ADH1A: variants seen among roughly 807,000 people sequenced by gnomAD.
ADH1A encodes alcohol dehydrogenase 1A (class I), alpha polypeptide, also known as alcohol dehydrogenase 1A.
ADH1A carries 29 observed loss-of-function variants against 35.2 expected under a neutral mutation model. The observed-to-expected ratio is 0.82, with a 90% CI of 0.61 to 1.12. ADH1A has a LOEUF of 1.12. Among genes scored for constraint, ADH1A ranks in the 50% most tolerant of loss-of-function variants. ADH1A has a pLI of 0.00. For synonymous variants in ADH1A, 147 were observed against 164.8 expected (o/e 0.89, Z 0.83); for missense variants, 469 against 464.7 (o/e 1.01, Z -0.09).
intron 7 of ADH1A, 62 bp downstream of exon 7, chr4:99,280,082 C>G: frequency 6.2e-7 from 1 of 1,604,668 alleles, no homozygotes; most frequent in Non-Finnish European, 8.5e-7. Context: ...TGCCTTGTCA[C>G]TTGTAAAAGG....
chr4:99,283,392 C>T (rs936805694), intron 5 of ADH1A, among the ~76,000 whole-genome samples: 1 of 152,142 alleles, frequency 6.6e-6, no homozygotes, highest in Admixed American at 6.6e-5. Flanking sequence ...TAAACCTAGT[C>T]TCCCATAGTC....
chr4:99,280,301 G>A (rs375546922), intron 6 of ADH1A, 22 bp from the exon 7 acceptor site: 26 of 1,612,254 alleles, frequency 1.6e-5, no homozygotes, highest in Non-Finnish European at 5.1e-6. Context: ...TGAACACTTA[G>A]CATTCTTAAC....
At chr4:99,276,730 A>G in intron 8 of ADH1A, 82 bp from the exon 9 acceptor site, 1 of 1,347,530 alleles carries the variant, frequency 7.4e-7, no homozygotes, top group Non-Finnish European at 1.1e-6. Flanking sequence ...GAAATGACTT[A>G]GTGAAAATCT....
chr4:99,289,279 A>G (rs1282248689), intron 1 of ADH1A, among the ~76,000 whole-genome samples: 1 of 152,180 alleles, frequency 6.6e-6, no homozygotes, highest in South Asian at 2.1e-4. Flanking sequence ...TATAAACAAC[A>G]TGCATTATTT....
At chr4:99,278,203 T>C (rs148463217) in intron 8 of ADH1A, among the ~76,000 whole-genome samples, 5 of 152,284 alleles carry the variant, frequency 3.3e-5, no homozygotes, top group African/African-American at 1.2e-4. Flanking sequence ...TTTGCCATCA[T>C]CTTTTCAATC....
At position 99,282,578 on chromosome 4, in the gene ADH1A, A is replaced by G. The variant is rs137874792; in HGVS notation, c.596T>C (p.Phe199Ser). 63 of 1,614,112 alleles carry G rather than the reference A, an allele frequency of 3.9e-5. No homozygotes were observed. The African/African-American group carries it at 8.0e-4, about 21-fold the overall frequency. Residue 199 changes from phenylalanine (F) to serine (S), a missense_variant, in exon 6 of 9, where the codon TTT (phenylalanine) becomes TCT (serine). Transcript: ENST00000209668. ...KVTPGSTCAV[F>S]GLGGVGLSAI... ...AGATAGGCCGACCCCTCCCAGGCCA[A>G]ACACAGCACAGGTAGAGCCTGGGGT...
At chr4:99,284,304 A>G in intron 5 of ADH1A, 95 bp downstream of exon 5, 1 of 1,339,068 alleles carries the variant, frequency 7.5e-7, no homozygotes. Context: ...TTCAAAATCT[A>G]CAAAAATAAT....
chr4:99,281,511 TAGG>T (rs1282515801), intron 6 of ADH1A, among the ~76,000 whole-genome samples: 9 of 151,890 alleles, frequency 5.9e-5, no homozygotes, highest in Non-Finnish European at 1.3e-4. Flanking sequence ...GAGGGTGAGG[TAGG>T]AGATTTGCTT....
intron 6 of ADH1A, among the ~76,000 whole-genome samples, chr4:99,280,993 G>T (rs572196478): frequency 5.9e-5 from 9 of 152,144 alleles, no homozygotes; most frequent in Non-Finnish European, 1.3e-4. Flanking sequence ...TTTGGATTCT[G>T]ACCTTTGGGA....
intron 1 of ADH1A, among the ~76,000 whole-genome samples, chr4:99,288,102 G>A: frequency 6.6e-6 from 1 of 152,140 alleles, no homozygotes; most frequent in East Asian, 1.9e-4. Context: ...TTCTGCTTAG[G>A]CCAAAAGGAT....
At chr4:99,281,805 T>C (rs1317487399) in intron 6 of ADH1A, 2 of 178,720 alleles carry the variant, frequency 1.1e-5, no homozygotes, top group African/African-American at 4.8e-5. Context: ...TGCCAGGTAC[T>C]GTCCAGTTTC....
At chr4:99,277,720 C>T (rs1186290594) in intron 8 of ADH1A, among the ~76,000 whole-genome samples, 3 of 151,882 alleles carry the variant, frequency 2.0e-5, no homozygotes, top group Non-Finnish European at 4.4e-5. Context: ...TGAGAATTTC[C>T]CAATAATGTC....
At chr4:99,287,920 T>C (rs1162297753) in intron 1 of ADH1A, among the ~76,000 whole-genome samples, 1 of 152,224 alleles carries the variant, frequency 6.6e-6, no homozygotes, top group African/African-American at 2.4e-5. Context: ...GCCATCCTTA[T>C]GTTGTTGTTG....
rs1560518961 is a variant in ADH1A, at chr4:99,286,668, G to T, written c.259+182C>A. ...AATTGTTGAAGGGTAGAATACATGCGTGCCTAAAGACATACATGCTTGAGT... is the reference window on the plus strand; with the variant it reads ...AATTGTTGAAGGGTAGAATACATGCTTGCCTAAAGACATACATGCTTGAGT... On this transcript the variant is annotated intron_variant, in intron 3 of 8. Coordinates refer to ENST00000209668, the MANE Select transcript of ADH1A (RefSeq NM_000667.4). 3.1e-6 allele frequency: 3 copies of T among 971,430 alleles called. No individual in the cohort carries two copies. In the South Asian group the frequency reaches 5.0e-5, roughly 16 times the overall value. The allele number at this position is 971,430 out of a possible 1,614,324, so 60.2% of individuals were successfully genotyped here.
intron 8 of ADH1A, 31 bp from the exon 9 acceptor site, chr4:99,276,679 G>A (rs750676448): frequency 2.4e-5 from 38 of 1,598,986 alleles, no homozygotes; most frequent in Non-Finnish European, 3.2e-5. Context: ...CATTGTATTA[G>A]CATTTAGACA....
intron 2 of ADH1A, among the ~76,000 whole-genome samples, chr4:99,287,235 C>G (rs1420445860): frequency 6.6e-6 from 1 of 152,062 alleles, no homozygotes; most frequent in African/African-American, 2.4e-5. Context: ...ATAGTTAAGT[C>G]TTAAATAATA....
At chr4:99,277,872 A>G (rs1158375002) in intron 8 of ADH1A, among the ~76,000 whole-genome samples, 4 of 152,076 alleles carry the variant, frequency 2.6e-5, no homozygotes, top group African/African-American at 9.7e-5. Flanking sequence ...TGTGTGTTTG[A>G]ATAGTTGATT....
chr4:99,288,988 G>C (rs1274188895), intron 1 of ADH1A, among the ~76,000 whole-genome samples: 2 of 151,892 alleles, frequency 1.3e-5, no homozygotes, highest in African/African-American at 4.8e-5. Flanking sequence ...TCCCCCTCGA[G>C]TTCCCAAAGT....
chr4:99,285,388 T>G (rs1186067111), intron 3 of ADH1A, among the ~76,000 whole-genome samples: 2 of 152,198 alleles, frequency 1.3e-5, no homozygotes, highest in Non-Finnish European at 2.9e-5. Flanking sequence ...GAAATTCCTC[T>G]GGAAATTTCA....
Sources: gnomAD v4.1 joint callset for allele counts (sites outside exome capture counted in the v4.1 genomes callset) on GRCh38, gnomAD v4.1.1 for gene constraint, MANE v1.5 for transcripts, NCBI Gene and HGNC (gene_info 2026-07-23, HGNC 2026-07-21) for gene names.